The following TRAPPC12 variants were observed in gnomAD, a reference collection of about 807,000 sequenced individuals.
The protein encoded by TRAPPC12 is trafficking protein particle complex subunit 12.
A neutral mutation model predicts 69.2 loss-of-function variants in TRAPPC12; 61 were observed. The observed-to-expected ratio is 0.88, with a 90% CI of 0.72 to 1.09. TRAPPC12 has a LOEUF of 1.09. TRAPPC12 is among the 50% of genes least tolerant of loss of function. TRAPPC12 has a pLI of 0.00. For missense variants in TRAPPC12, 1,101 were observed against 1,016.4 expected (o/e 1.08, Z -1.13); for synonymous variants, 469 against 438.9 (o/e 1.07, Z -0.86).
chr2:3,422,225 A>G (rs886782269), intron 4 of TRAPPC12, among the ~76,000 whole-genome samples: 1 of 152,164 alleles, frequency 6.6e-6, no homozygotes, highest in East Asian at 1.9e-4. Flanking sequence ...ACTCAGTCTC[A>G]TGGTGGAACC....
At position 3,387,673 on chromosome 2, in the gene TRAPPC12, ACCC is replaced by A; in HGVS notation, c.54_56del (p.Pro19del). On this transcript the variant is annotated inframe_deletion, in exon 2 of 12. Coordinates refer to ENST00000324266, the MANE Select transcript of TRAPPC12 (RefSeq NM_016030.6). ...GAGACCCCGGCCCCGGAGGCCCCGC[ACCC>A]CCCTCAGCTCGCGCCTCCGGAGGAG... The A allele has an allele frequency of 3.2e-6, 5 of 1,555,856 alleles. No homozygotes were observed. The highest frequency in any genetic ancestry group is 4.3e-6 in the Non-Finnish European group (5 of 1,149,836).
intron 8 of TRAPPC12, chr2:3,463,192 TAA>T (rs1369315636): frequency 1.3e-5 from 4 of 298,602 alleles, no homozygotes; most frequent in African/African-American, 9.0e-5. Context: ...CTTCAGTAAA[TAA>T]AGTCATTAAG....
chr2:3,473,487 T>G (rs1006124894), intron 9 of TRAPPC12, among the ~76,000 whole-genome samples: 14 of 152,240 alleles, frequency 9.2e-5, no homozygotes, highest in African/African-American at 3.4e-4. Context: ...TGGGTTTTTT[T>G]GTCTGTTTTT....
chr2:3,425,742 T>C (rs1271516359), intron 5 of TRAPPC12, among the ~76,000 whole-genome samples: 1 of 152,138 alleles, frequency 6.6e-6, no homozygotes, highest in African/African-American at 2.4e-5. Context: ...CAGAGCCTGA[T>C]TGGAGGTAGA....
chr2:3,429,568 G>A (rs1663311145), intron 5 of TRAPPC12, among the ~76,000 whole-genome samples: 2 of 152,208 alleles, frequency 1.3e-5, no homozygotes, highest in South Asian at 4.1e-4. Flanking sequence ...TTGAGGTAGA[G>A]TACTCTTGCA....
chr2:3,388,090 C>T lies in TRAPPC12; in HGVS notation c.467C>T (p.Pro156Leu), dbSNP rs1660590337. The T allele has an allele frequency of 1.9e-6, 3 of 1,544,514 alleles. No homozygotes were observed. The highest frequency in any genetic ancestry group is 2.6e-6 in the Non-Finnish European group (3 of 1,150,558). Residue 156 changes from proline (P) to leucine (L), a missense_variant, in exon 2 of 12, where the codon CCG becomes CTG. By Grantham distance (98) the Pro-to-Leu change is moderately conservative (BLOSUM62 -3). Transcript: ENST00000324266. ...GAGCAGGAGCCTCCCGTTGCGGAGC[C>T]GGTCCCGGTGTGCACCATCTTCAGC... ...RPEQEPPVAEPVPVCTIFSQR... is the reference protein window; with the variant it reads ...RPEQEPPVAELVPVCTIFSQR...
rs373389014 is a variant in TRAPPC12 at position 3,449,793 on chromosome 2, T to C, written c.1530+5902T>C. ...CCATCACCGTGCCTGACCCAGAGGG[T>C]TTGGTTGCCCTTCTTTTCTGCTGCT... On this transcript the variant is annotated intron_variant, in intron 6 of 11. Transcript: ENST00000324266. 2.6e-5 allele frequency among the ~76,000 whole-genome samples: 4 copies of C among 151,802 alleles called. No individual in the cohort carries two copies. The East Asian group carries it at 7.8e-4, about 29-fold the overall frequency.
intron 9 of TRAPPC12, 62 bp downstream of exon 9, chr2:3,465,757 G>C: frequency 9.3e-7 from 1 of 1,078,788 alleles, no homozygotes; most frequent in Non-Finnish European, 1.4e-6. Context: ...GCTCAGATGG[G>C]CGACTGTTTG....
At chr2:3,475,445 G>T (rs1666252167) in intron 9 of TRAPPC12, among the ~76,000 whole-genome samples, 1 of 138,808 alleles carries the variant, frequency 7.2e-6, no homozygotes, top group Non-Finnish European at 1.6e-5. Flanking sequence ...GTCTTTTACT[G>T]ATTTGTTTTC....
At position 3,388,343 on chromosome 2, in the gene TRAPPC12, G is replaced by T; in HGVS notation, c.720G>T (p.Ala240=). 1.3e-6 allele frequency: 2 copies of T among 1,586,834 alleles called. No individual in the cohort carries two copies. The highest frequency in any genetic ancestry group is 1.7e-6 in the Non-Finnish European group (2 of 1,168,368). ...SAFISVSNPG[A]GSPAPASPPP... ...TCATTTCCGTCAGCAATCCCGGCGC[G>T]GGCTCCCCGGCCCCCGCCAGCCCGC... The change falls in exon 2 of 12, where the codon GCG becomes GCT. Residue 240 remains alanine, a synonymous_variant. Transcript: ENST00000324266.
At chr2:3,441,192 T>C (rs1032913907) in intron 5 of TRAPPC12, among the ~76,000 whole-genome samples, 1 of 152,196 alleles carries the variant, frequency 6.6e-6, no homozygotes, top group African/African-American at 2.4e-5. Flanking sequence ...ATTAGGGTAA[T>C]GCCAGACTCA....
At position 3,457,683 on chromosome 2, in the gene TRAPPC12, G is replaced by A. The variant is rs1406256969; in HGVS notation, c.1593G>A (p.Glu531=). 4 of 1,610,820 alleles carry A rather than the reference G, an allele frequency of 2.5e-6. No homozygotes were observed. Among genetic ancestry groups the A allele is most frequent in the Non-Finnish European group, 2.5e-6 (3 of 1,179,986 alleles). The part of the protein sequence containing the change: ...EDGGMSSVTQ[E]GRQASIRLWR... Reference sequence around the variant, plus strand: ...GCGGCATGAGCAGCGTGACTCAGGAGGGCAGACAAGGTGGGTCGGCCGGAC... The same window carrying A: ...GCGGCATGAGCAGCGTGACTCAGGAAGGCAGACAAGGTGGGTCGGCCGGAC... Residue 531 remains glutamate (E), a synonymous_variant, in exon 7 of 12, where the codon GAG becomes GAA. Coordinates refer to ENST00000324266, the MANE Select transcript of TRAPPC12 (RefSeq NM_016030.6).
rs756645816 is a variant in TRAPPC12 at position 3,479,306 on chromosome 2, C to G, written c.2053C>G (p.Pro685Ala). 7.4e-6 allele frequency: 12 copies of G among 1,614,196 alleles called. No homozygotes were observed. The highest frequency in any genetic ancestry group is 1.3e-5 in the African/African-American group (1 of 75,068). Reference sequence around the variant, plus strand: ...GCTGGAGGCCATGGTCCAGCAGGACCCCAGGCACTACCTGCACGAGAGCGT... The same window carrying G: ...GCTGGAGGCCATGGTCCAGCAGGACGCCAGGCACTACCTGCACGAGAGCGT... ...RQLEAMVQQD[P>A]RHYLHESVLF... Residue 685 changes from proline to alanine, a missense_variant, in exon 12 of 12, where the codon CCC (proline) becomes GCC (alanine). Coordinates refer to ENST00000324266, the MANE Select transcript of TRAPPC12 (RefSeq NM_016030.6).
chr2:3,474,245 G>T (rs963457400), intron 9 of TRAPPC12, among the ~76,000 whole-genome samples: 1 of 152,148 alleles, frequency 6.6e-6, no homozygotes, highest in African/African-American at 2.4e-5. Flanking sequence ...ATTGACTCTC[G>T]ATCACAAGGT....
At chr2:3,419,540 G>T (rs754056688) in intron 3 of TRAPPC12, among the ~76,000 whole-genome samples, 1 of 151,562 alleles carries the variant, frequency 6.6e-6, no homozygotes, top group South Asian at 2.1e-4. Flanking sequence ...CATCTTCACC[G>T]TCGATCAGTG....
intron 5 of TRAPPC12, among the ~76,000 whole-genome samples, chr2:3,435,835 C>T (rs187637183): frequency 5.8e-4 from 88 of 152,262 alleles, no homozygotes; most frequent in African/African-American, 2.0e-3. Flanking sequence ...GTAATGAATG[C>T]ACTATATGTA....
At chr2:3,391,424 A>C (rs971171572) in intron 2 of TRAPPC12, among the ~76,000 whole-genome samples, 2 of 152,240 alleles carry the variant, frequency 1.3e-5, no homozygotes, top group Non-Finnish European at 2.9e-5. Context: ...CTCCAGGAAA[A>C]GAAAAGTGAC....
At chr2:3,416,303 C>A (rs1662389933) in intron 3 of TRAPPC12, among the ~76,000 whole-genome samples, 1 of 152,142 alleles carries the variant, frequency 6.6e-6, no homozygotes, top group Non-Finnish European at 1.5e-5. Context: ...AACAGCTTCG[C>A]CTCACAGGCA....
chr2:3,470,176 C>T (rs1665998802), intron 9 of TRAPPC12, among the ~76,000 whole-genome samples: 2 of 152,246 alleles, frequency 1.3e-5, no homozygotes, highest in Non-Finnish European at 2.9e-5. Flanking sequence ...ATTCTGCTCA[C>T]GCCCTGGCAC....
Sources: gnomAD v4.1 joint callset for allele counts (sites outside exome capture counted in the v4.1 genomes callset) on GRCh38, gnomAD v4.1.1 for gene constraint, MANE v1.5 for transcripts, NCBI Gene and HGNC (gene_info 2026-07-23, HGNC 2026-07-21) for gene names.